The following FRMD4A variants were observed in gnomAD, a reference collection of about 807,000 sequenced individuals.
The protein encoded by FRMD4A is FERM domain containing 4A, also known as FERM domain-containing protein 4A.
Under a neutral mutation model 129.1 loss-of-function variants are expected in FRMD4A, and 29 were observed. The ratio of observed to expected loss-of-function variants is 0.22; its 90% confidence interval spans 0.17 to 0.31. FRMD4A has a LOEUF of 0.31. FRMD4A is among the 10% of genes least tolerant of loss of function. The pLI is 1.00. For synonymous variants in FRMD4A, 634 were observed against 571.6 expected (o/e 1.11, Z -1.56); for missense variants, 1,272 against 1,375.8 (o/e 0.92, Z 1.19).
At chr10:13,811,080 C>G (rs1265002323) in intron 3 of FRMD4A, among the ~76,000 whole-genome samples, 172 bp from the exon 4 acceptor site, 1 of 151,806 alleles carries the variant, frequency 6.6e-6, no homozygotes, top group African/African-American at 2.4e-5. Flanking sequence ...GATGAGCACA[C>G]AGCCAAGTCA....
chr10:14,105,635 T>C (rs114453729), intron 2 of FRMD4A, among the ~76,000 whole-genome samples: 2,859 of 152,316 alleles, frequency 0.019, 92 homozygotes, highest in African/African-American at 0.063. Context: ...GCTTAGACTT[T>C]CCTAATTGTG....
At chr10:13,688,430 A>G (rs1232455262) in intron 15 of FRMD4A, among the ~76,000 whole-genome samples, 2 of 152,126 alleles carry the variant, frequency 1.3e-5, no homozygotes, top group Non-Finnish European at 2.9e-5. Flanking sequence ...GCATTAGGAG[A>G]TATACCTAAT....
At chr10:14,166,938 T>C (rs905562339) in intron 2 of FRMD4A, among the ~76,000 whole-genome samples, 2 of 152,178 alleles carry the variant, frequency 1.3e-5, no homozygotes, top group African/African-American at 4.8e-5. Flanking sequence ...TATATTTCTG[T>C]ACCATGCTAT....
chr10:14,064,619 C>G (rs1834968522), intron 2 of FRMD4A, among the ~76,000 whole-genome samples: 1 of 152,216 alleles, frequency 6.6e-6, no homozygotes, highest in African/African-American at 2.4e-5. Flanking sequence ...GCTCCATCGT[C>G]TAGGCTGGAG....
chr10:13,707,151 G>A, intron 12 of FRMD4A, 38 bp from the exon 13 acceptor site: 1 of 1,161,912 alleles, frequency 8.6e-7, no homozygotes. Flanking sequence ...CTCAGGAGGG[G>A]CTGGCTCCTG....
At chr10:13,965,674 T>C (rs1277018213) in intron 2 of FRMD4A, among the ~76,000 whole-genome samples, 2 of 152,242 alleles carry the variant, frequency 1.3e-5, no homozygotes, top group Non-Finnish European at 2.9e-5. Flanking sequence ...TCAATAATTC[T>C]AAAAATCTGC....
intron 2 of FRMD4A, among the ~76,000 whole-genome samples, chr10:14,084,116 G>C (rs187136888): frequency 3.9e-5 from 6 of 152,276 alleles, no homozygotes; most frequent in Admixed American, 3.9e-4. Flanking sequence ...TGGCATCATG[G>C]GGGAAAGTAA....
intron 2 of FRMD4A, among the ~76,000 whole-genome samples, chr10:13,928,423 T>A (rs1193141898): frequency 6.6e-6 from 1 of 152,088 alleles, no homozygotes; most frequent in Non-Finnish European, 1.5e-5. Context: ...AAACTCTGAA[T>A]TCTAATTAAT....
At chr10:14,216,457 G>A (rs1166842126) in intron 2 of FRMD4A, among the ~76,000 whole-genome samples, 1 of 152,120 alleles carries the variant, frequency 6.6e-6, no homozygotes, top group Non-Finnish European at 1.5e-5. Flanking sequence ...CATCACTTGA[G>A]CTCAGGAGTT....
At chr10:14,319,416 G>T (rs898187855) in intron 2 of FRMD4A, among the ~76,000 whole-genome samples, 7 of 135,382 alleles carry the variant, frequency 5.2e-5, no homozygotes, top group Admixed American at 3.9e-4. Flanking sequence ...ACCTTGTGAG[G>T]TTTAGTAATA....
intron 2 of FRMD4A, among the ~76,000 whole-genome samples, chr10:13,889,179 T>A (rs2094664105): frequency 6.6e-6 from 1 of 152,224 alleles, no homozygotes; most frequent in African/African-American, 2.4e-5. Context: ...AAGACAAAGG[T>A]AGCCTGGCAA....
chr10:13,822,404 A>C (rs1198634301), intron 3 of FRMD4A, among the ~76,000 whole-genome samples: 2 of 152,210 alleles, frequency 1.3e-5, no homozygotes, highest in Non-Finnish European at 2.9e-5. Context: ...AATGCAATAG[A>C]ATTTTGCCAG....
intron 2 of FRMD4A, among the ~76,000 whole-genome samples, chr10:14,192,752 C>G (rs1021486278): frequency 6.6e-6 from 1 of 152,210 alleles, no homozygotes; most frequent in Non-Finnish European, 1.5e-5. Flanking sequence ...CAGGAATGAA[C>G]ATCTCCCCTC....
intron 2 of FRMD4A, among the ~76,000 whole-genome samples, chr10:14,044,246 T>C (rs142125724): frequency 9.2e-5 from 14 of 152,342 alleles, no homozygotes; most frequent in Admixed American, 2.6e-4. Flanking sequence ...GTGTTGTTAC[T>C]GTTGTTTGAG....
chr10:13,809,552 C>A (rs891323888), intron 4 of FRMD4A, among the ~76,000 whole-genome samples: 14 of 152,204 alleles, frequency 9.2e-5, no homozygotes, highest in African/African-American at 3.4e-4. Context: ...CTTCCCCGCA[C>A]AGCCCTGAAC....
intron 2 of FRMD4A, among the ~76,000 whole-genome samples, chr10:14,137,376 G>A (rs927888344): frequency 6.6e-6 from 1 of 152,180 alleles, no homozygotes; most frequent in African/African-American, 2.4e-5. Flanking sequence ...GTGTTTTGAA[G>A]CTAAGAGTGA....
At chr10:14,021,112 C>T (rs919689228) in intron 2 of FRMD4A, among the ~76,000 whole-genome samples, 2 of 152,124 alleles carry the variant, frequency 1.3e-5, no homozygotes, top group African/African-American at 4.8e-5. Flanking sequence ...TGCCAACAAT[C>T]TCACATCTAG....
At chr10:13,967,081 T>C (rs900073828) in intron 2 of FRMD4A, among the ~76,000 whole-genome samples, 1 of 152,214 alleles carries the variant, frequency 6.6e-6, no homozygotes. Context: ...CTCACGCCTG[T>C]AATCCCAGCA....
Position 13,850,773 on chromosome 10 carries a change from T to C in FRMD4A, c.111+8074A>G, listed in dbSNP as rs534247853. ...AGTGAAAAGAGAATGGGCTATACTA[T>C]CAGAGGACCTATGCTCGAGCTACCT... On this transcript the variant is annotated intron_variant, in intron 3 of 24. Transcript: ENST00000357447. Among the ~76,000 whole-genome samples the C allele has an allele frequency of 1.3e-4, 20 of 152,336 alleles. No homozygotes were observed. The South Asian group carries it at 3.7e-3, about 28-fold the overall frequency.
Sources: allele counts gnomAD v4.1 joint callset (sites outside exome capture counted in the v4.1 genomes callset), GRCh38; gene constraint gnomAD v4.1.1; transcripts MANE v1.5; gene names NCBI Gene and HGNC (gene_info 2026-07-23, HGNC 2026-07-21).